LRRC4C: variants seen among roughly 807,000 people sequenced by gnomAD.
LRRC4C encodes leucine-rich repeat-containing protein 4C.
Under a neutral mutation model 33.6 loss-of-function variants are expected in LRRC4C, and 5 were observed. That is an observed-to-expected ratio of 0.15 (90% CI 0.08 to 0.31). LRRC4C has a LOEUF of 0.31. Among genes scored for constraint, LRRC4C ranks in the 10% least tolerant of loss-of-function variants. The pLI is 1.00. For synonymous variants in LRRC4C, 329 were observed against 302.0 expected (o/e 1.09, Z -0.93); for missense variants, 560 against 796.7 (o/e 0.70, Z 3.58).
chr11:40,754,587 G>T (rs1365864903), intron 2 of LRRC4C, among the ~76,000 whole-genome samples: 1 of 152,060 alleles, frequency 6.6e-6, no homozygotes, highest in Non-Finnish European at 1.5e-5. Context: ...AGAGGATGCA[G>T]ACAAGGAAAG....
At chr11:40,519,804 A>ACTT (rs1470308232) in intron 3 of LRRC4C, among the ~76,000 whole-genome samples, 1 of 152,216 alleles carries the variant, frequency 6.6e-6, no homozygotes, top group Non-Finnish European at 1.5e-5. Context: ...CTTATAGATT[A>ACTT]CTTCGAAAAC....
At chr11:40,310,294 C>G (rs1945238667) in intron 4 of LRRC4C, among the ~76,000 whole-genome samples, 1 of 151,994 alleles carries the variant, frequency 6.6e-6, no homozygotes, top group Admixed American at 6.6e-5. Context: ...TTTTGAGGTC[C>G]CTGAATTCCT....
chr11:40,336,932 GCA>G (rs1946641078), intron 3 of LRRC4C, among the ~76,000 whole-genome samples: 1 of 127,252 alleles, frequency 7.9e-6, no homozygotes. Context: ...AGCCGAGATT[GCA>G]CCACTGCACT....
chr11:40,650,549 G>C (rs1252986775), intron 2 of LRRC4C, among the ~76,000 whole-genome samples: 1 of 152,146 alleles, frequency 6.6e-6, no homozygotes, highest in Non-Finnish European at 1.5e-5. Flanking sequence ...TAGATGAGAT[G>C]CTGCCCAATT....
At chr11:41,453,810 T>C (rs746054627) in intron 1 of LRRC4C, among the ~76,000 whole-genome samples, 7 of 152,142 alleles carry the variant, frequency 4.6e-5, no homozygotes, top group Non-Finnish European at 7.4e-5. Flanking sequence ...GTTGGTAATA[T>C]ATTTTGCAGT....
At chr11:40,408,427 T>C (rs1950038092) in intron 3 of LRRC4C, among the ~76,000 whole-genome samples, 1 of 151,986 alleles carries the variant, frequency 6.6e-6, no homozygotes, top group Non-Finnish European at 1.5e-5. Context: ...CGACCAACTT[T>C]ATCTTTTTTT....
intron 1 of LRRC4C, among the ~76,000 whole-genome samples, chr11:41,357,845 C>T (rs1952217415): frequency 6.6e-6 from 1 of 152,084 alleles, no homozygotes; most frequent in South Asian, 2.1e-4. Context: ...CCAACTTGAT[C>T]TACAGATTTA....
intron 2 of LRRC4C, among the ~76,000 whole-genome samples, chr11:40,772,201 AAC>A (rs1949788114): frequency 6.6e-6 from 1 of 152,158 alleles, no homozygotes; most frequent in Non-Finnish European, 1.5e-5. Flanking sequence ...AGGGGAAGCA[AAC>A]ACATCCTTTT....
At chr11:40,281,494 C>G (rs192136056) in intron 4 of LRRC4C, among the ~76,000 whole-genome samples, 1 of 152,150 alleles carries the variant, frequency 6.6e-6, no homozygotes, top group Non-Finnish European at 1.5e-5. Flanking sequence ...TCGGCACACT[C>G]TGAGATTTGG....
chr11:40,568,245 A>G (rs11035932), intron 3 of LRRC4C, among the ~76,000 whole-genome samples: 22,763 of 152,164 alleles, frequency 0.15, 2,007 homozygotes, highest in Admixed American at 0.23. Flanking sequence ...CCTTTGGAGA[A>G]AGCAAGGGAA....
At chr11:40,377,124 A>T (rs1948690520) in intron 3 of LRRC4C, among the ~76,000 whole-genome samples, 1 of 152,174 alleles carries the variant, frequency 6.6e-6, no homozygotes, top group Non-Finnish European at 1.5e-5. Flanking sequence ...GAAATAAAAG[A>T]GGCTACTCAA....
intron 5 of LRRC4C, among the ~76,000 whole-genome samples, chr11:40,225,258 T>A (rs1042261680): frequency 9.2e-5 from 14 of 152,170 alleles, no homozygotes; most frequent in African/African-American, 3.4e-4. Context: ...AGGGATGATG[T>A]GGCCTCTGGA....
At chr11:41,278,011 G>A (rs2136904440) in intron 1 of LRRC4C, among the ~76,000 whole-genome samples, 1 of 152,190 alleles carries the variant, frequency 6.6e-6, no homozygotes, top group South Asian at 2.1e-4. Flanking sequence ...AGAGTACAAT[G>A]GTGGTTACCA....
At chr11:40,491,178 G>A (rs368482638) in intron 3 of LRRC4C, among the ~76,000 whole-genome samples, 3 of 152,112 alleles carry the variant, frequency 2.0e-5, no homozygotes, top group Admixed American at 6.6e-5. Flanking sequence ...CCAGGTACTC[G>A]GGAGGCTGAG....
chr11:40,920,442 T>C (rs1236007608), intron 2 of LRRC4C, among the ~76,000 whole-genome samples: 1 of 152,196 alleles, frequency 6.6e-6, no homozygotes, highest in Non-Finnish European at 1.5e-5. Context: ...TTCACATTCC[T>C]ATACTAATGG....
At chr11:40,910,428 A>G (rs1389266179) in intron 2 of LRRC4C, among the ~76,000 whole-genome samples, 1 of 152,234 alleles carries the variant, frequency 6.6e-6, no homozygotes, top group Admixed American at 6.5e-5. Context: ...CAGCTAACAC[A>G]TATGCAATGC....
At chr11:41,078,858 A>AG (rs1939352245) in intron 1 of LRRC4C, among the ~76,000 whole-genome samples, 2 of 152,080 alleles carry the variant, frequency 1.3e-5, no homozygotes, top group Non-Finnish European at 2.9e-5. Flanking sequence ...TAAATCTGTG[A>AG]ATTTTTCGCC....
chr11:41,088,921 C>T (rs1590516950), intron 1 of LRRC4C, among the ~76,000 whole-genome samples: 5 of 151,844 alleles, frequency 3.3e-5, no homozygotes, highest in Admixed American at 6.6e-5. Context: ...TTTAGATAAC[C>T]GAAACATAGA....
chr11:40,824,008 A>G (rs1454961462), intron 2 of LRRC4C, among the ~76,000 whole-genome samples: 1 of 151,968 alleles, frequency 6.6e-6, no homozygotes, highest in Non-Finnish European at 1.5e-5. Flanking sequence ...GACGGAACTC[A>G]AAAATATTAT....
Sources: allele counts gnomAD v4.1 joint callset (sites outside exome capture counted in the v4.1 genomes callset), GRCh38; gene constraint gnomAD v4.1.1; transcripts MANE v1.5; gene names NCBI Gene and HGNC (gene_info 2026-07-23, HGNC 2026-07-21).